The following DARS1 variants were observed in gnomAD, a reference collection of about 807,000 sequenced individuals.
DARS1 encodes the protein aspartyl-tRNA synthetase 1.
In DARS1, 51 loss-of-function variants were observed where a neutral mutation model predicts 68.8. The observed-to-expected ratio is 0.74, with a 90% CI of 0.59 to 0.94. The LOEUF (loss-of-function observed/expected upper bound fraction) is 0.94. DARS1 is among the 40% of genes least tolerant of loss of function. The pLI is 0.00. For missense variants in DARS1, 607 were observed against 597.3 expected (o/e 1.02, Z -0.17); for synonymous variants, 203 against 190.4 (o/e 1.07, Z -0.55).
intron 5 of DARS1, among the ~76,000 whole-genome samples, chr2:135,942,347 CTT>C (rs1180630737): frequency 6.6e-6 from 1 of 151,982 alleles, no homozygotes; most frequent in Non-Finnish European, 1.5e-5. Context: ...AGTTCATGTC[CTT>C]TGTAGGGACG....
intron 3 of DARS1, among the ~76,000 whole-genome samples, chr2:135,977,905 G>A (rs1682534886): frequency 6.6e-6 from 1 of 152,070 alleles, no homozygotes; most frequent in East Asian, 1.9e-4. Flanking sequence ...CACTTTGGGA[G>A]GCCAAGGCGA....
intron 5 of DARS1, chr2:135,943,162 G>A (rs1681644575): frequency 1.9e-6 from 1 of 534,676 alleles, no homozygotes; most frequent in Non-Finnish European, 3.0e-6. Flanking sequence ...CATCTCAGTT[G>A]GGTGCATCAC....
rs565498516 is a variant in DARS1 at position 135,923,191 on chromosome 2, C to T, written c.677-273G>A. ...GCATCAATTTCAAAACTATTAAAGC[C>T]CCTTTGGAGTTGTTAAAATTTTTTT... On this transcript the variant is annotated intron_variant, in intron 8 of 15. Transcript: ENST00000264161. 3.3e-5 allele frequency among the ~76,000 whole-genome samples: 5 copies of T among 152,080 alleles called. No homozygotes were observed. The East Asian group carries it at 9.6e-4, about 29-fold the overall frequency.
chr2:135,931,855 A>G (rs1681359195), intron 7 of DARS1, among the ~76,000 whole-genome samples: 1 of 152,144 alleles, frequency 6.6e-6, no homozygotes, highest in African/African-American at 2.4e-5. Flanking sequence ...ACAAAACAAT[A>G]CAACCCAAAA....
chr2:135,924,575 G>A, intron 7 of DARS1, 77 bp from the exon 8 acceptor site: 1 of 1,500,004 alleles, frequency 6.7e-7, no homozygotes, highest in Non-Finnish European at 8.8e-7. Flanking sequence ...TAGGCACTGT[G>A]GAAACCTAAC....
At chr2:135,965,050 AT>A (rs1682193087) in intron 3 of DARS1, among the ~76,000 whole-genome samples, 1 of 152,090 alleles carries the variant, frequency 6.6e-6, no homozygotes, top group Admixed American at 6.5e-5. Context: ...CAGTACAAAA[AT>A]AACCAGATCA....
intron 9 of DARS1, among the ~76,000 whole-genome samples, chr2:135,920,983 C>A (rs1402800588): frequency 6.6e-6 from 1 of 151,528 alleles, no homozygotes; most frequent in Non-Finnish European, 1.5e-5. Flanking sequence ...AAGTAACATA[C>A]GTATTCCATT....
intron 7 of DARS1, among the ~76,000 whole-genome samples, chr2:135,925,689 CTTA>C (rs1329697880): frequency 6.6e-6 from 1 of 152,116 alleles, no homozygotes; most frequent in Non-Finnish European, 1.5e-5. Flanking sequence ...TATTAGATTA[CTTA>C]CTCATTTTCA....
chr2:135,918,890 T>C (rs1681055141), intron 10 of DARS1, among the ~76,000 whole-genome samples: 1 of 152,162 alleles, frequency 6.6e-6, no homozygotes, highest in South Asian at 2.1e-4. Flanking sequence ...ATAAACTGCA[T>C]CAAAATGTTT....
intron 3 of DARS1, among the ~76,000 whole-genome samples, chr2:135,964,648 T>C (rs1682180531): frequency 6.6e-6 from 1 of 151,604 alleles, no homozygotes; most frequent in Admixed American, 6.6e-5. Context: ...CGAGACTAGG[T>C]TGGCCAACGT....
chr2:135,978,913 G>A (rs72974121), intron 3 of DARS1: 1,875 of 164,250 alleles, frequency 0.011, 32 homozygotes, highest in African/African-American at 0.04. Flanking sequence ...ATTAACAAAC[G>A]GGAAGTTTCT....
At chr2:135,961,264 C>T in intron 4 of DARS1, 132 bp downstream of exon 4, 1 of 628,152 alleles carries the variant, frequency 1.6e-6, no homozygotes, top group Admixed American at 2.6e-5. Flanking sequence ...CAACACTGAA[C>T]TGACAATTTA....
At chr2:135,922,708 T>TTA in intron 9 of DARS1, 76 bp downstream of exon 9, 1 of 1,426,340 alleles carries the variant, frequency 7.0e-7, no homozygotes, top group Non-Finnish European at 9.1e-7. Flanking sequence ...GTACATTATA[T>TTA]AAGTAAAATG....
chr2:135,946,153 C>A (rs1286261623), intron 4 of DARS1, among the ~76,000 whole-genome samples: 1 of 152,130 alleles, frequency 6.6e-6, no homozygotes, highest in African/African-American at 2.4e-5. Flanking sequence ...GACAGGAATA[C>A]TTGCGTACAT....
chr2:135,913,718 A>T (rs1680944227), intron 12 of DARS1, among the ~76,000 whole-genome samples: 1 of 151,912 alleles, frequency 6.6e-6, no homozygotes, highest in South Asian at 2.1e-4. Flanking sequence ...AGATAGTGCC[A>T]TTGCACTCCA....
intron 2 of DARS1, among the ~76,000 whole-genome samples, chr2:135,982,762 T>C (rs1265870449): frequency 2.0e-5 from 3 of 152,096 alleles, no homozygotes; most frequent in East Asian, 1.9e-4. Context: ...ACTCAAATCA[T>C]AGTACTGCCA....
intron 4 of DARS1, among the ~76,000 whole-genome samples, chr2:135,953,008 G>A (rs983443473): frequency 1.2e-4 from 19 of 152,120 alleles, no homozygotes; most frequent in African/African-American, 4.3e-4. Context: ...TGTATGAGGG[G>A]TTTCCCTTTC....
intron 1 of DARS1, 60 bp from the exon 2 acceptor site, chr2:135,983,514 A>C (rs1682687596): frequency 1.5e-6 from 1 of 672,584 alleles, no homozygotes. Flanking sequence ...CACAGTAAAC[A>C]CATAAATACT....
At chr2:135,981,275 TC>T (rs1015005556) in intron 2 of DARS1, among the ~76,000 whole-genome samples, 5 of 152,162 alleles carry the variant, frequency 3.3e-5, no homozygotes, top group African/African-American at 4.8e-5. Flanking sequence ...GTGTTACAGC[TC>T]AAGGAAGTAC....
Sources: allele counts gnomAD v4.1 joint callset (sites outside exome capture counted in the v4.1 genomes callset), GRCh38; gene constraint gnomAD v4.1.1; transcripts MANE v1.5; gene names NCBI Gene and HGNC (gene_info 2026-07-23, HGNC 2026-07-21).